Variants in POT1 observed in about 807,000 individuals in gnomAD.
The protein encoded by POT1 is protection of telomeres 1.
POT1 carries 47 observed loss-of-function variants against 78.5 expected under a neutral mutation model. That is an observed-to-expected ratio of 0.60 (90% CI 0.47 to 0.76). The LOEUF (loss-of-function observed/expected upper bound fraction) is 0.76. Ranked by LOEUF, POT1 falls within the 30% of genes least tolerant of loss-of-function variation. The probability of loss-of-function intolerance (pLI) is 0.00; values close to 1 mark genes in which losing one functional copy is unlikely to be tolerated. For missense variants in POT1, 646 were observed against 749.9 expected, an observed-to-expected ratio of 0.86 and a Z score of 1.62; for synonymous variants, 259 against 260.7, an observed-to-expected ratio of 0.99 and a Z score of 0.06.
chr7:124,895,484 T>C (rs1314120620), intron 5 of POT1, among the ~76,000 whole-genome samples: 2 of 151,540 alleles, frequency 1.3e-5, no homozygotes, highest in Non-Finnish European at 3.0e-5. Context: ...CAGCAGACAA[T>C]AAAAGCCTGA....
chr7:124,921,467 G>A (rs913301109), intron 2 of POT1, among the ~76,000 whole-genome samples: 2 of 151,744 alleles, frequency 1.3e-5, no homozygotes, highest in Non-Finnish European at 2.9e-5. Flanking sequence ...GAAAATTCCA[G>A]GAAAATAAAT....
chr7:124,864,560 T>A (rs1044094722), intron 7 of POT1, among the ~76,000 whole-genome samples: 6 of 152,180 alleles, frequency 3.9e-5, no homozygotes, highest in Admixed American at 3.9e-4. Flanking sequence ...TTGGAATTCT[T>A]ACTAGTGCTC....
intron 9 of POT1, among the ~76,000 whole-genome samples, chr7:124,856,411 C>T (rs1584768040): frequency 2.0e-5 from 3 of 151,422 alleles, no homozygotes; most frequent in South Asian, 2.1e-4. Context: ...TAATATAATG[C>T]TATTGATATC....
At chr7:124,843,649 G>C (rs1795086092) in intron 12 of POT1, among the ~76,000 whole-genome samples, 1 of 152,180 alleles carries the variant, frequency 6.6e-6, no homozygotes, top group Admixed American at 6.5e-5. Context: ...AAGATGGCCT[G>C]GGATTGTAGT....
intron 3 of POT1, among the ~76,000 whole-genome samples, chr7:124,914,647 T>C (rs181156580): frequency 6.6e-6 from 1 of 152,270 alleles, no homozygotes; most frequent in Non-Finnish European, 1.5e-5. Flanking sequence ...CAACAATAAA[T>C]AATAATACAA....
At chr7:124,836,717 C>T (rs1003945998) in intron 14 of POT1, among the ~76,000 whole-genome samples, 1 of 152,142 alleles carries the variant, frequency 6.6e-6, no homozygotes, top group South Asian at 2.1e-4. Flanking sequence ...ATAACAGTTT[C>T]CCCATTTGCA....
intron 8 of POT1, among the ~76,000 whole-genome samples, chr7:124,859,840 G>GAA (rs774829313): frequency 6.9e-6 from 1 of 144,548 alleles, no homozygotes; most frequent in South Asian, 2.2e-4. Context: ...GTATTGCTCA[G>GAA]AAAAAAAAAA....
At chr7:124,852,036 C>T in intron 10 of POT1, 85 bp from the exon 11 acceptor site, 1 of 885,844 alleles carries the variant, frequency 1.1e-6, no homozygotes, top group South Asian at 1.5e-5. Flanking sequence ...TCCAGAAATT[C>T]ATTGAAATTG....
intron 2 of POT1, among the ~76,000 whole-genome samples, chr7:124,925,534 C>G (rs538695789): frequency 6.6e-6 from 1 of 151,892 alleles, no homozygotes; most frequent in African/African-American, 2.4e-5. Context: ...GAACATACTT[C>G]CCAAAGCTAC....
At chr7:124,909,072 T>C (rs905943395) in intron 3 of POT1, among the ~76,000 whole-genome samples, 1 of 151,922 alleles carries the variant, frequency 6.6e-6, no homozygotes, top group Non-Finnish European at 1.5e-5. Flanking sequence ...CTTTCAGAAC[T>C]AACTCTAACA....
intron 3 of POT1, among the ~76,000 whole-genome samples, chr7:124,910,859 A>C (rs977936024): frequency 6.6e-6 from 1 of 152,154 alleles, no homozygotes; most frequent in East Asian, 1.9e-4. Context: ...GACACACCCT[A>C]AGAGTCATGA....
intron 2 of POT1, among the ~76,000 whole-genome samples, chr7:124,926,443 T>A (rs947004302): frequency 6.6e-6 from 1 of 152,052 alleles, no homozygotes; most frequent in Non-Finnish European, 1.5e-5. Flanking sequence ...AAACAGACAT[T>A]GGGGTGCAAA....
intron 6 of POT1, among the ~76,000 whole-genome samples, chr7:124,887,096 G>A (rs1796259348): frequency 6.6e-6 from 1 of 152,036 alleles, no homozygotes; most frequent in Non-Finnish European, 1.5e-5. Flanking sequence ...CCCAGAAGGG[G>A]CAGCACACGT....
chr7:124,902,744 C>T (rs778342395), intron 3 of POT1, among the ~76,000 whole-genome samples: 4 of 152,022 alleles, frequency 2.6e-5, no homozygotes, highest in Admixed American at 6.6e-5. Context: ...TTGGATAAAT[C>T]GTCAAGACCC....
chr7:124,898,407 C>T (rs1384376096), intron 3 of POT1, 33 bp from the exon 4 acceptor site: 1 of 151,690 alleles, frequency 6.6e-6, no homozygotes, highest in Non-Finnish European at 1.5e-5. Flanking sequence ...TTGAATCAAT[C>T]ACCAAAATAC....
intron 7 of POT1, among the ~76,000 whole-genome samples, chr7:124,864,485 GC>G (rs1795673769): frequency 1.3e-5 from 2 of 151,468 alleles, no homozygotes; most frequent in African/African-American, 4.8e-5. Context: ...CATACTTCTT[GC>G]TTTTTTGCTT....
Position 124,841,009 on chromosome 7 carries a change from G to A in POT1, c.1333C>T (p.Leu445Phe), listed in dbSNP as rs1416672170. The change falls in exon 14 of 19, where the codon CTC becomes TTC. Residue 445 changes from leucine to phenylalanine, a missense_variant. Leu to Phe is a conservative substitution (Grantham distance 22). Around this residue, in one of 2 missense-constraint regions of POT1, gnomAD observed 394 missense variants for 408.4 expected, o/e 0.96. Coordinates refer to ENST00000357628, the MANE Select transcript of POT1 (RefSeq NM_015450.3). ...AVHFVKNNGILPLSNECLLLI... is the reference protein window; with the variant it reads ...AVHFVKNNGIFPLSNECLLLI... ...AGTAGACATTCATTTGAAAGCGGGAGAATACCATTATTTTTCACAAAATGA... is the reference window on the plus strand; with the variant it reads ...AGTAGACATTCATTTGAAAGCGGGAAAATACCATTATTTTTCACAAAATGA... 2 of 1,611,040 alleles carry A rather than the reference G, an allele frequency of 1.2e-6. No individual in the cohort carries two copies. The highest frequency in any genetic ancestry group is 3.3e-5 in the Admixed American group (2 of 59,978).
intron 3 of POT1, among the ~76,000 whole-genome samples, chr7:124,900,367 A>C (rs183936328): frequency 1.1e-3 from 169 of 152,196 alleles, no homozygotes; most frequent in South Asian, 2.3e-3. Context: ...TCCTGGTAGA[A>C]TCTATCACAG....
chr7:124,904,269 A>G (rs903900208), intron 3 of POT1, among the ~76,000 whole-genome samples: 4 of 152,188 alleles, frequency 2.6e-5, no homozygotes, highest in African/African-American at 9.6e-5. Flanking sequence ...AATCCTCAAT[A>G]AAATACTGGC....
Sources: allele counts gnomAD v4.1 joint callset (sites outside exome capture counted in the v4.1 genomes callset), GRCh38; gene constraint gnomAD v4.1.1; regional missense constraint gnomAD v4.1.1; transcripts MANE v1.5; gene names NCBI Gene and HGNC (gene_info 2026-07-23, HGNC 2026-07-21).